The following FGD5 variants were observed in gnomAD, a reference collection of about 807,000 sequenced individuals.
FGD5 encodes the protein FYVE, RhoGEF and PH domain containing 5.
FGD5 carries 28 observed loss-of-function variants against 133.4 expected under a neutral mutation model. The observed-to-expected ratio is 0.21, with a 90% CI of 0.16 to 0.29. FGD5 has a LOEUF of 0.29. Ranked by LOEUF, FGD5 falls within the 10% of genes least tolerant of loss-of-function variation. FGD5 has a pLI of 1.00. For missense variants in FGD5, 1,858 were observed against 1,895.2 expected, an observed-to-expected ratio of 0.98 and a Z score of 0.36; for synonymous variants, 810 against 776.5, an observed-to-expected ratio of 1.04 and a Z score of -0.72.
At chr3:14,895,627 G>A (rs2125130694) in intron 4 of FGD5, among the ~76,000 whole-genome samples, 1 of 152,222 alleles carries the variant, frequency 6.6e-6, no homozygotes, top group East Asian at 1.9e-4. Context: ...AGGCTGGAGT[G>A]CAGTGGTGCA....
At chr3:14,839,794 G>A (rs1216926953) in intron 1 of FGD5, among the ~76,000 whole-genome samples, 2 of 152,196 alleles carry the variant, frequency 1.3e-5, no homozygotes, top group East Asian at 1.9e-4. Context: ...TTAGCTGGGC[G>A]TGGTGGTGGG....
intron 1 of FGD5, among the ~76,000 whole-genome samples, chr3:14,831,590 G>A (rs2036708636): frequency 6.6e-6 from 1 of 152,276 alleles, no homozygotes; most frequent in East Asian, 1.9e-4. Context: ...AGGGAACCAA[G>A]AGGAGACTGG....
rs562759059 is a variant in FGD5, at chr3:14,922,179, G to A, written c.3669+162G>A. Reference sequence around the variant, plus strand: ...CCATGCTCCCACCCTAGTCAGGGGCGGCCTCCGTGTAACCTAGGAGCCCAG... The same window carrying A: ...CCATGCTCCCACCCTAGTCAGGGGCAGCCTCCGTGTAACCTAGGAGCCCAG... On this transcript the variant is annotated intron_variant, in intron 14 of 19. Transcript: ENST00000285046. The surrounding 1 kb of genome is among the most constrained non-coding windows in gnomAD (Gnocchi z 4.1). 6.9e-5 allele frequency: 67 copies of A among 977,436 alleles called. No individual in the cohort carries two copies. The East Asian group carries it at 1.5e-3, about 21-fold the overall frequency. The allele number at this position is 977,436 out of a possible 1,614,324, so 60.5% of individuals were successfully genotyped here. A position where few individuals can be genotyped will look rare whatever the true frequency, so the allele number is the denominator to read the frequency against.
chr3:14,819,665 C>T lies in FGD5; in HGVS notation c.594C>T (p.His198=), dbSNP rs752462606. 88 of 1,547,414 alleles carry T rather than the reference C, an allele frequency of 5.7e-5. No individual in the cohort carries two copies. Among genetic ancestry groups the T allele is most frequent in the Non-Finnish European group, 6.5e-5 (74 of 1,144,898 alleles). ...GVFQSDLLLP[H]IHGEDQEPPD... is the part of the protein sequence containing the mutation. ...TCCAGAGCGACCTCCTCCTGCCTCACATCCATGGAGAGGACCAGGAGCCCC... is the reference window on the plus strand; with the variant it reads ...TCCAGAGCGACCTCCTCCTGCCTCATATCCATGGAGAGGACCAGGAGCCCC... The change falls in exon 1 of 20, where the codon CAC becomes CAT. Residue 198 remains histidine, a synonymous_variant. Transcript: ENST00000285046. This position sits in a 1 kb window ranked among gnomAD's most constrained non-coding sequence, Gnocchi z 4.1.
chr3:14,820,552 CAGAAACCGTCCCTGA>C lies in FGD5; in HGVS notation c.1490_1504del (p.Val497_Thr501del), dbSNP rs1470730901. The C allele has an allele frequency of 5.0e-6, 8 of 1,613,012 alleles. No individual in the cohort carries two copies. In the African/African-American group the frequency reaches 5.3e-5, roughly 11 times the overall value. On this transcript the variant is annotated inframe_deletion, in exon 1 of 20. Transcript: ENST00000285046. ...TCTGGGAAGGTGGCCGGCTATGTCC[CAGAAACCGTCCCTGA>C]AGAAACCGGACCTGAGGCGGGCTCG... is the stretch of plus-strand genomic sequence containing the variant.
Position 14,820,831 on chromosome 3 carries a change from G to A in FGD5, c.1760G>A (p.Cys587Tyr), listed in dbSNP as rs772051616. 49 of 1,613,718 alleles carry A rather than the reference G, an allele frequency of 3.0e-5. No homozygotes were observed. The highest frequency in any genetic ancestry group is 4.0e-5 in the African/African-American group (3 of 74,880). The change falls in exon 1 of 20, where the codon TGT (cysteine) becomes TAT (tyrosine). Residue 587 changes from cysteine to tyrosine, a missense_variant. Around this residue, in one of 3 missense-constraint regions of FGD5, gnomAD observed 1,824 missense variants for 1,848.9 expected, o/e 0.99. Coordinates refer to ENST00000285046, the MANE Select transcript of FGD5 (RefSeq NM_152536.4). ...KRKEDNLSLS[C>Y]VIGSSGSFSQ... ...AAAGAGGACAATCTCTCTCTGTCGT[G>A]TGTAATTGGCTCCTCTGGGAGTTTC...
chr3:14,821,576 T>C lies in FGD5; in HGVS notation c.2505T>C (p.Ser835=), dbSNP rs755552105. 20 of 1,604,480 alleles carry C rather than the reference T, an allele frequency of 1.2e-5. No individual in the cohort carries two copies. The highest frequency in any genetic ancestry group is 8.9e-5 in the South Asian group (8 of 90,334). ...ACGCCTTTGAGAGCAAACAGCAGAG[T>C]GCAGACCAGGACGCAGAAAGGTACC... The part of the protein sequence containing the change: ...SFNAFESKQQ[S]ADQDAESAYT... The change falls in exon 1 of 20, where the codon AGT becomes AGC. Residue 835 remains serine, a synonymous_variant. Transcript: ENST00000285046.
rs532267347 is a variant in FGD5 at position 14,929,111 on chromosome 3, CAT to C, written c.4197+2914_4197+2915del. On this transcript the variant is annotated intron_variant, in intron 18 of 19. Transcript: ENST00000285046. Reference sequence around the variant, plus strand: ...CTCTTGATCCTCAAACAGATGGAATCATGTGTGACTTCCATTAACCATGATGT... The same window carrying C: ...CTCTTGATCCTCAAACAGATGGAATCGTGTGACTTCCATTAACCATGATGT... Among the ~76,000 whole-genome samples the C allele has an allele frequency of 4.4e-4, 67 of 152,332 alleles. 2 individuals are homozygous for C. The highest frequency in any genetic ancestry group is 3.7e-3 in the Admixed American group (56 of 15,308).
At chr3:14,900,476 G>C (rs769331729) in intron 8 of FGD5, 23 bp downstream of exon 8, 4 of 1,611,826 alleles carry the variant, frequency 2.5e-6, no homozygotes, top group Non-Finnish European at 3.4e-6. Context: ...TGAATGCGGA[G>C]GGAGGTACTC....
At chr3:14,844,277 A>T (rs1479149957) in intron 1 of FGD5, among the ~76,000 whole-genome samples, 2 of 92,190 alleles carry the variant, frequency 2.2e-5, no homozygotes, top group East Asian at 3.5e-4. Context: ...TATATAATGC[A>T]GGTTTCCAGG....
intron 1 of FGD5, 135 bp from the exon 2 acceptor site, chr3:14,863,993 G>A: frequency 7.9e-7 from 1 of 1,259,216 alleles, no homozygotes; most frequent in Non-Finnish European, 1.1e-6. Flanking sequence ...GGCTGGGGGT[G>A]GGGAAGTAGG....
intron 8 of FGD5, 42 bp downstream of exon 8, chr3:14,900,495 T>C: frequency 6.2e-7 from 1 of 1,605,760 alleles, no homozygotes. Context: ...TCAAGCCTGC[T>C]CTGCCTCCTT....
chr3:14,889,262 G>A (rs1283021868), intron 4 of FGD5, among the ~76,000 whole-genome samples: 1 of 152,150 alleles, frequency 6.6e-6, no homozygotes, highest in East Asian at 1.9e-4. Flanking sequence ...GAAGATTCCT[G>A]TCATACCCTC....
At chr3:14,833,830 C>T (rs1487291496) in intron 1 of FGD5, among the ~76,000 whole-genome samples, 1 of 151,984 alleles carries the variant, frequency 6.6e-6, no homozygotes, top group Middle Eastern at 3.4e-3. Flanking sequence ...ACACACCTGC[C>T]GACAAGCAGC....
intron 9 of FGD5, among the ~76,000 whole-genome samples, chr3:14,901,563 C>T (rs963566391): frequency 1.3e-5 from 2 of 152,236 alleles, no homozygotes; most frequent in East Asian, 1.9e-4. Flanking sequence ...CAGCTCCATT[C>T]AGGTGGTCAC....
At chr3:14,925,474 C>T (rs2038783176) in intron 17 of FGD5, among the ~76,000 whole-genome samples, 2 of 152,148 alleles carry the variant, frequency 1.3e-5, no homozygotes, top group Non-Finnish European at 2.9e-5. Flanking sequence ...GCAAATTGCT[C>T]ATCATTAACC....
intron 11 of FGD5, among the ~76,000 whole-genome samples, chr3:14,911,562 C>G (rs1056682040): frequency 1.3e-5 from 2 of 152,000 alleles, no homozygotes; most frequent in Non-Finnish European, 2.9e-5. Flanking sequence ...CCAGCTTCCT[C>G]ATACTTCGTC....
chr3:14,877,728 G>A (rs1386254426), intron 2 of FGD5, among the ~76,000 whole-genome samples: 1 of 152,236 alleles, frequency 6.6e-6, no homozygotes, highest in Non-Finnish European at 1.5e-5. Flanking sequence ...TCTGATGTGT[G>A]TCTGCTCTGA....
intron 18 of FGD5, 58 bp from the exon 19 acceptor site, chr3:14,932,519 G>C: frequency 6.4e-7 from 1 of 1,564,738 alleles, no homozygotes; most frequent in African/African-American, 1.4e-5. Context: ...GGAGATAACA[G>C]TAAATGACTA....
Sources: allele counts gnomAD v4.1 joint callset (sites outside exome capture counted in the v4.1 genomes callset), GRCh38; gene constraint gnomAD v4.1.1; regional missense constraint gnomAD v4.1.1; non-coding constraint Gnocchi (gnomAD v3.1); transcripts MANE v1.5; gene names NCBI Gene and HGNC (gene_info 2026-07-23, HGNC 2026-07-21).